The following SSC4D variants were observed in gnomAD, a reference collection of about 807,000 sequenced individuals.
SSC4D encodes scavenger receptor cysteine rich family member with 4 domains, also known as scavenger receptor cysteine-rich domain-containing group B protein.
In SSC4D, 57 loss-of-function variants were observed where a neutral mutation model predicts 63.4. The ratio of observed to expected loss-of-function variants is 0.90; its 90% confidence interval spans 0.73 to 1.12. The LOEUF is 1.12. Among genes scored for constraint, SSC4D ranks in the 50% most tolerant of loss-of-function variants. The pLI, the probability that SSC4D is intolerant of heterozygous loss-of-function variation, is 0.00. For missense variants in SSC4D, 791 were observed against 806.4 expected, an observed-to-expected ratio of 0.98 and a Z score of 0.23; for synonymous variants, 352 against 345.4, an observed-to-expected ratio of 1.02 and a Z score of -0.21.
chr7:76,408,700 C>T (rs951994061), intron 1 of SSC4D, among the ~76,000 whole-genome samples: 3 of 152,196 alleles, frequency 2.0e-5, no homozygotes, highest in African/African-American at 7.2e-5. Context: ...CTCCTACCCT[C>T]CCAGCTCCAA....
At position 76,390,286 on chromosome 7, in the gene SSC4D, C is replaced by T; in HGVS notation, c.1501G>A (p.Ala501Thr). The change falls in exon 11 of 11, where the codon GCT becomes ACT. Residue 501 changes from alanine (A) to threonine (T), a missense_variant. Ala to Thr is a moderately conservative substitution (Grantham distance 58). Coordinates refer to ENST00000275560, the MANE Select transcript of SSC4D (RefSeq NM_080744.2). The stretch of plus-strand genomic sequence containing the variant: ...ACACCGGCTGCCCGCAGGTCCCAAG[C>T]ATCATCACAGACAGTGCCCCACCGT... ...GQRWGTVCDD[A>T]WDLRAAGVLC... 1.2e-6 allele frequency: 2 copies of T among 1,614,028 alleles called. No individual in the cohort carries two copies. The highest frequency in any genetic ancestry group is 1.7e-6 in the Non-Finnish European group (2 of 1,179,970).
rs767070084 is a variant in SSC4D, at chr7:76,393,899, C to G, written c.952G>C (p.Gly318Arg). The G allele has an allele frequency of 5.5e-5, 89 of 1,603,620 alleles. No homozygotes were observed. In the East Asian group the frequency reaches 2.0e-3, roughly 36 times the overall value. Residue 318 changes from glycine to arginine, a missense_variant, in exon 8 of 11, where the codon GGA becomes CGA. Transcript: ENST00000275560. ...TCCCGGGAAGGCTGGGGGCCAACTC[C>G]TGTAGCTGTGGAGACAGGGCATCTA... The part of the protein sequence containing the change: ...WAWQTDPSAT[G>R]VGPQPSRETA...
In SSC4D at chr7:76,409,443, CCTT is replaced by C. The variant is rs1032442491; in HGVS notation, c.-99_-97del. 1 of 152,216 alleles carries C rather than the reference CCTT, an allele frequency of 6.6e-6. No individual in the cohort carries two copies. The highest frequency in any genetic ancestry group is 1.5e-5 in the Non-Finnish European group (1 of 68,150). 9.4% of individuals were successfully genotyped at this position (152,216 alleles called of 1,614,324 possible). On this transcript the variant is annotated 5_prime_UTR_variant, in exon 1 of 11. Coordinates refer to ENST00000275560, the MANE Select transcript of SSC4D (RefSeq NM_080744.2). ...GGGAATGTTCTGGGCTCTTTCTGTC[CCTT>C]CTTCTACAGTCAATCCAAGATCGAA...
rs374171764 is a variant in SSC4D at position 76,393,805 on chromosome 7, C to G, written c.1021+25G>C. On this transcript the variant is annotated intron_variant, in intron 8 of 10. Coordinates refer to ENST00000275560, the MANE Select transcript of SSC4D (RefSeq NM_080744.2). Reference sequence around the variant, plus strand: ...CCCAGCCCTACCCTTCCCCATCCCCCGCAGACCCAGGCACCGCCACTTACT... The same window carrying G: ...CCCAGCCCTACCCTTCCCCATCCCCGGCAGACCCAGGCACCGCCACTTACT... The G allele has an allele frequency of 9.6e-5, 136 of 1,414,408 alleles. No individual in the cohort carries two copies. The African/African-American group carries it at 3.8e-3, about 40-fold the overall frequency. The allele number at this position is 1,414,408 out of a possible 1,614,324, so 87.6% of individuals were successfully genotyped here. A position where few individuals can be genotyped will look rare whatever the true frequency, so the allele number is the denominator to read the frequency against.
chr7:76,390,951 G>A (rs1318449008), intron 10 of SSC4D, among the ~76,000 whole-genome samples: 1 of 152,154 alleles, frequency 6.6e-6, no homozygotes, highest in Non-Finnish European at 1.5e-5. Flanking sequence ...GCAAGACCCT[G>A]TCTCTAAAAA....
At chr7:76,397,405 G>T in intron 6 of SSC4D, 113 bp downstream of exon 6, 2 of 1,312,602 alleles carry the variant, frequency 1.5e-6, no homozygotes, top group South Asian at 1.5e-5. Flanking sequence ...GGAGCATCAA[G>T]ACAGCCAAAA....
chr7:76,401,141 C>T, intron 2 of SSC4D, 98 bp from the exon 3 acceptor site: 3 of 1,406,732 alleles, frequency 2.1e-6, no homozygotes, highest in Non-Finnish European at 2.8e-6. Flanking sequence ...CTCAACATTA[C>T]CCCCATCTTC....
intron 1 of SSC4D, among the ~76,000 whole-genome samples, chr7:76,406,530 C>T (rs1476756): frequency 0.48 from 72,031 of 151,644 alleles, 17,792 homozygotes; most frequent in African/African-American, 0.59. Flanking sequence ...GTCACCCAGG[C>T]GGCAGTGCAG....
At position 76,393,840 on chromosome 7, in the gene SSC4D, C is replaced by T; in HGVS notation, c.1011G>A (p.Ala337=). 2 of 1,599,788 alleles carry T rather than the reference C, an allele frequency of 1.3e-6. No homozygotes were observed. Among genetic ancestry groups the T allele is most frequent in the Non-Finnish European group, 1.7e-6 (2 of 1,172,454 alleles). ...GGCACCGCCACTTACTTTTCTTCCC[C>T]GCGGCCCAGGCGGCGGTGGTGAGCA... ...TALLTTAAWA[A]GKKSGRLRLV... Residue 337 remains alanine, a synonymous_variant, in exon 8 of 11, where the codon GCG becomes GCA. Transcript: ENST00000275560.
chr7:76,404,580 C>CT, intron 1 of SSC4D, 75 bp from the exon 2 acceptor site: 2 of 1,311,218 alleles, frequency 1.5e-6, no homozygotes, highest in Non-Finnish European at 1.1e-6. Context: ...TTGCTTGCAC[C>CT]CAGGGGTTTG....
rs372034529 is a variant in SSC4D at position 76,395,424 on chromosome 7, G to A, written c.869-94C>T. ...AGGGGAGGATAGGAGGGTCTGCCTGGAGGAGAGAATAGATGTTACTTCCAG... is the reference window on the plus strand; with the variant it reads ...AGGGGAGGATAGGAGGGTCTGCCTGAAGGAGAGAATAGATGTTACTTCCAG... On this transcript the variant is annotated intron_variant, in intron 6 of 10. Coordinates refer to ENST00000275560, the MANE Select transcript of SSC4D (RefSeq NM_080744.2). 114 of 1,307,610 alleles carry A rather than the reference G, an allele frequency of 8.7e-5. 1 individual carries two copies. The highest frequency in any genetic ancestry group is 6.5e-4 in the East Asian group (27 of 41,262). The allele number at this position is 1,307,610 out of a possible 1,614,324, so 81.0% of individuals were successfully genotyped here. A position where few individuals can be genotyped will look rare whatever the true frequency, so the allele number is the denominator to read the frequency against.
At chr7:76,402,352 A>G (rs1026315915) in intron 2 of SSC4D, among the ~76,000 whole-genome samples, 1 of 151,420 alleles carries the variant, frequency 6.6e-6, no homozygotes, top group African/African-American at 2.4e-5. Context: ...GCTAATTTTT[A>G]TATTTTTTAG....
intron 1 of SSC4D, among the ~76,000 whole-genome samples, chr7:76,405,480 C>T (rs1233614895): frequency 6.7e-6 from 1 of 149,210 alleles, no homozygotes; most frequent in African/African-American, 2.5e-5. Flanking sequence ...CCGTGCCAGC[C>T]CAGAACATTT....
At chr7:76,401,789 GCTCT>G (rs1804838355) in intron 2 of SSC4D, among the ~76,000 whole-genome samples, 1 of 152,140 alleles carries the variant, frequency 6.6e-6, no homozygotes, top group Admixed American at 6.6e-5. Flanking sequence ...AGCTAGAAGT[GCTCT>G]CTGTTTCCTC....
At chr7:76,392,368 G>A (rs989396288) in intron 9 of SSC4D, among the ~76,000 whole-genome samples, 4 of 152,068 alleles carry the variant, frequency 2.6e-5, no homozygotes, top group African/African-American at 9.7e-5. Flanking sequence ...TGGCCAACAT[G>A]GTGAAACCCC....
Position 76,397,649 on chromosome 7 carries a change from T to C in SSC4D, c.737A>G (p.Tyr246Cys), listed in dbSNP as rs904890104. Residue 246 changes from tyrosine (Y) to cysteine (C), a missense_variant, in exon 6 of 11, where the codon TAT becomes TGT. Tyr to Cys is a radical substitution (Grantham distance 194). Coordinates refer to ENST00000275560, the MANE Select transcript of SSC4D (RefSeq NM_080744.2). ...GTCCAGCAGGATGTGTCCGGTGCCA[T>C]AGCCGAAGAAGGCGTTGGTGGTGGC... Reference protein sequence around the residue: ...MAATTNAFFGYGTGHILLDNV... With the variant: ...MAATTNAFFGCGTGHILLDNV... 3 of 1,613,648 alleles carry C rather than the reference T, an allele frequency of 1.9e-6. No individual in the cohort carries two copies. Among genetic ancestry groups the C allele is most frequent in the Admixed American group, 3.3e-5 (2 of 59,982 alleles).
In SSC4D at chr7:76,404,303, T is replaced by C. The variant is rs1804927271; in HGVS notation, c.133+4A>G. On this transcript the variant is annotated splice_donor_region_variant and intron_variant, in intron 2 of 10. Coordinates refer to ENST00000275560, the MANE Select transcript of SSC4D (RefSeq NM_080744.2). ...GTGGCAAGGGCTAACAGGGGAGGAC[T>C]CACCCAGTGGCAGGAGGAGAAGGAA... is the stretch of plus-strand genomic sequence containing the variant. 1 of 1,593,224 alleles carries C rather than the reference T, an allele frequency of 6.3e-7. No individual in the cohort carries two copies. Among genetic ancestry groups the C allele is most frequent in the African/African-American group, 1.3e-5 (1 of 74,414 alleles).
chr7:76,407,207 C>G (rs530217847), intron 1 of SSC4D, among the ~76,000 whole-genome samples: 2 of 152,166 alleles, frequency 1.3e-5, no homozygotes, highest in Non-Finnish European at 2.9e-5. Flanking sequence ...GTGATACACC[C>G]GCCTCGGTCT....
At chr7:76,403,601 G>A (rs1216692078) in intron 2 of SSC4D, among the ~76,000 whole-genome samples, 1 of 151,734 alleles carries the variant, frequency 6.6e-6, no homozygotes, top group African/African-American at 2.4e-5. Context: ...CTCCCAAAGT[G>A]CTGGGATTAC....
Sources: allele counts gnomAD v4.1 joint callset (sites outside exome capture counted in the v4.1 genomes callset), GRCh38; gene constraint gnomAD v4.1.1; transcripts MANE v1.5; gene names NCBI Gene and HGNC (gene_info 2026-07-23, HGNC 2026-07-21).